The following TLL1 variants were observed in gnomAD, a reference collection of about 807,000 sequenced individuals.
The protein encoded by TLL1 is tolloid like 1, also known as tolloid-like protein 1.
A neutral mutation model predicts 128.2 loss-of-function variants in TLL1; 49 were observed. The ratio of observed to expected loss-of-function variants is 0.38; its 90% CI spans 0.30 to 0.48. The LOEUF is 0.48. Among genes scored for constraint, TLL1 ranks in the 20% least tolerant of loss-of-function variants. The pLI is 0.96. For missense variants in TLL1, 1,123 were observed against 1,242.0 expected, an observed-to-expected ratio of 0.90 and a Z score of 1.44; for synonymous variants, 454 against 418.8, an observed-to-expected ratio of 1.08 and a Z score of -1.03.
chr4:165,893,378 G>T (rs972412581), intron 1 of TLL1, among the ~76,000 whole-genome samples: 3 of 152,198 alleles, frequency 2.0e-5, no homozygotes, highest in Non-Finnish European at 4.4e-5. Context: ...AGTCCTGTGA[G>T]TGCCTCAGTT....
At chr4:166,075,042 A>C (rs1560854537) in intron 17 of TLL1, 39 bp downstream of exon 17, 6 of 1,609,366 alleles carry the variant, frequency 3.7e-6, no homozygotes, top group Non-Finnish European at 4.2e-6. Flanking sequence ...AACATGTAGA[A>C]TTTCATGTGG....
At chr4:165,974,753 T>C (rs1421494744) in intron 1 of TLL1, among the ~76,000 whole-genome samples, 2 of 152,220 alleles carry the variant, frequency 1.3e-5, no homozygotes, top group Non-Finnish European at 2.9e-5. Context: ...TATTTTTTGC[T>C]GAAGCTCCAA....
chr4:166,073,898 C>G (rs1740902974), intron 16 of TLL1, among the ~76,000 whole-genome samples: 1 of 152,004 alleles, frequency 6.6e-6, no homozygotes, highest in African/African-American at 2.4e-5. Flanking sequence ...AGCCTAACTC[C>G]TCATATGACT....
At chr4:166,095,176 G>T (rs752027173) in intron 19 of TLL1, among the ~76,000 whole-genome samples, 2 of 151,964 alleles carry the variant, frequency 1.3e-5, no homozygotes, top group African/African-American at 2.4e-5. Context: ...TTATGCACAA[G>T]AAAAATTTCA....
intron 1 of TLL1, among the ~76,000 whole-genome samples, chr4:165,911,298 T>G (rs1286625670): frequency 6.6e-6 from 1 of 152,210 alleles, no homozygotes; most frequent in Non-Finnish European, 1.5e-5. Flanking sequence ...AATATTTGTC[T>G]TTCTGGGCTG....
chr4:165,885,461 A>G (rs984265156), intron 1 of TLL1, among the ~76,000 whole-genome samples: 6 of 151,874 alleles, frequency 4.0e-5, no homozygotes, highest in Admixed American at 3.9e-4. Flanking sequence ...TTTTGTTCAT[A>G]TCATGGCAGC....
chr4:165,903,953 T>C (rs1436839830), intron 1 of TLL1, among the ~76,000 whole-genome samples: 2 of 152,110 alleles, frequency 1.3e-5, no homozygotes, highest in African/African-American at 2.4e-5. Context: ...TTTACCACCA[T>C]TATATTTCAG....
At chr4:166,021,298 C>T (rs1192950559) in intron 8 of TLL1, among the ~76,000 whole-genome samples, 1 of 151,532 alleles carries the variant, frequency 6.6e-6, no homozygotes, top group Non-Finnish European at 1.5e-5. Context: ...GCAGATATTC[C>T]CTCATTTAGT....
At chr4:165,932,522 A>C (rs1388352930) in intron 1 of TLL1, among the ~76,000 whole-genome samples, 1 of 151,256 alleles carries the variant, frequency 6.6e-6, no homozygotes, top group Non-Finnish European at 1.5e-5. Context: ...GCCTATCAGC[A>C]TCTGCAGTAA....
At chr4:166,096,210 G>T (rs1422205278) in intron 19 of TLL1, among the ~76,000 whole-genome samples, 3 of 145,480 alleles carry the variant, frequency 2.1e-5, no homozygotes, top group Admixed American at 6.9e-5. Context: ...TTCTGTCATG[G>T]GTGTGTGTGT....
intron 8 of TLL1, among the ~76,000 whole-genome samples, chr4:166,015,005 G>A (rs1737869698): frequency 6.6e-6 from 1 of 151,198 alleles, no homozygotes; most frequent in African/African-American, 2.5e-5. Flanking sequence ...TTATCAGTAG[G>A]AATTTATAAC....
At chr4:165,944,693 CAGTATCCAGGGA>C (rs1734164753) in intron 1 of TLL1, among the ~76,000 whole-genome samples, 1 of 151,982 alleles carries the variant, frequency 6.6e-6, no homozygotes, top group Non-Finnish European at 1.5e-5. Context: ...GAGGCTTGTA[CAGTATCCAGGGA>C]AGAAGATGGT....
intron 11 of TLL1, 151 bp downstream of exon 11, chr4:166,042,294 C>T: frequency 3.3e-6 from 2 of 609,264 alleles, no homozygotes; most frequent in South Asian, 3.4e-5. Context: ...ATAATTTTAA[C>T]AGTAAATTTA....
chr4:165,890,907 G>A (rs536874669), intron 1 of TLL1, among the ~76,000 whole-genome samples: 18 of 152,260 alleles, frequency 1.2e-4, no homozygotes, highest in Admixed American at 9.8e-4. Context: ...CTCCATGAGG[G>A]CTCTGCCCCT....
At chr4:165,984,735 A>G (rs7690315) in intron 1 of TLL1, among the ~76,000 whole-genome samples, 10,277 of 152,020 alleles carry the variant, frequency 0.068, 967 homozygotes, top group African/African-American at 0.21. Context: ...TTTCCTGGGC[A>G]TATAAGTGTG....
chr4:165,971,888 G>T (rs1735643862), intron 1 of TLL1, among the ~76,000 whole-genome samples: 1 of 152,082 alleles, frequency 6.6e-6, no homozygotes, highest in Non-Finnish European at 1.5e-5. Flanking sequence ...TAGCTCTCTG[G>T]GTTCCAGAAA....
chr4:165,935,070 T>C lies in TLL1; in HGVS notation c.170-54311T>C, dbSNP rs1022951699. Among the ~76,000 whole-genome samples the C allele has an allele frequency of 5.9e-5, 9 of 152,218 alleles. 1 individual carries two copies. The highest frequency in any genetic ancestry group is 1.0e-4 in the Non-Finnish European group (7 of 68,056). On this transcript the variant is annotated intron_variant, in intron 1 of 20. Coordinates refer to ENST00000061240, the MANE Select transcript of TLL1 (RefSeq NM_012464.5). Reference sequence around the variant, plus strand: ...GTGCCTTAACTGTTTCTAGGCACTTTATATAAAATGTTTTTAAAATAATAA... The same window carrying C: ...GTGCCTTAACTGTTTCTAGGCACTTCATATAAAATGTTTTTAAAATAATAA...
intron 1 of TLL1, among the ~76,000 whole-genome samples, chr4:165,876,161 A>G (rs1730714360): frequency 6.6e-6 from 1 of 152,364 alleles, no homozygotes; most frequent in African/African-American, 2.4e-5. Context: ...AAGTATGCAC[A>G]GAATGTGAAT....
chr4:165,929,067 G>A (rs7657525), intron 1 of TLL1, among the ~76,000 whole-genome samples: 1 of 152,152 alleles, frequency 6.6e-6, no homozygotes, highest in Non-Finnish European at 1.5e-5. Flanking sequence ...GTTGACGGCA[G>A]AAATAGTGCC....
Sources: allele counts gnomAD v4.1 joint callset (sites outside exome capture counted in the v4.1 genomes callset), GRCh38; gene constraint gnomAD v4.1.1; transcripts MANE v1.5; gene names NCBI Gene and HGNC (gene_info 2026-07-23, HGNC 2026-07-21).